The following XKR4 variants were observed in gnomAD, a reference collection of about 807,000 sequenced individuals.
XKR4 encodes XK-related protein 4.
A neutral mutation model predicts 53.9 loss-of-function variants in XKR4; 12 were observed. That is an observed-to-expected ratio of 0.22 (90% CI 0.14 to 0.36). XKR4 has a LOEUF of 0.36. XKR4 is among the 10% of genes least tolerant of loss of function. The probability of loss-of-function intolerance (pLI) is 1.00; values close to 1 mark genes in which losing one functional copy is unlikely to be tolerated. For synonymous variants in XKR4, 354 were observed against 362.4 expected, an observed-to-expected ratio of 0.98 and a Z score of 0.26; for missense variants, 799 against 859.5, an observed-to-expected ratio of 0.93 and a Z score of 0.88.
At chr8:55,131,924 A>C (rs943178093) in intron 1 of XKR4, among the ~76,000 whole-genome samples, 1 of 151,732 alleles carries the variant, frequency 6.6e-6, no homozygotes, top group Non-Finnish European at 1.5e-5. Context: ...TGGCCTGTGC[A>C]CAGTCTTAAT....
chr8:55,103,851 GTATATATATATATATATA>G (rs60831330), intron 1 of XKR4, among the ~76,000 whole-genome samples: 1,402 of 106,010 alleles, frequency 0.013, 38 homozygotes, highest in African/African-American at 0.043. Context: ...AAATGACTTT[GTATATATATATATATATA>G]TATATATATA....
intron 2 of XKR4, among the ~76,000 whole-genome samples, chr8:55,425,408 C>T (rs566949848): frequency 4.5e-4 from 67 of 148,730 alleles, no homozygotes; most frequent in South Asian, 1.9e-3. Flanking sequence ...AACGCACTCT[C>T]GTCTAGCCTC....
chr8:55,248,597 A>G (rs1818321203), intron 1 of XKR4, among the ~76,000 whole-genome samples: 1 of 152,092 alleles, frequency 6.6e-6, no homozygotes, highest in African/African-American at 2.4e-5. Context: ...AAGTACTCAT[A>G]TATTCACTCT....
intron 2 of XKR4, among the ~76,000 whole-genome samples, chr8:55,501,833 G>T (rs1156618874): frequency 6.6e-6 from 1 of 152,044 alleles, no homozygotes; most frequent in Non-Finnish European, 1.5e-5. Context: ...CAGTTCTTTT[G>T]GGTATACAGT....
At position 55,540,920 on chromosome 8, in the gene XKR4, G is replaced by C. The variant is rs777162253; in HGVS notation, c.*16693G>C. The C allele has an allele frequency of 6.6e-6, 1 of 152,134 alleles. No individual in the cohort carries two copies. Among genetic ancestry groups the C allele is most frequent in the African/African-American group, 2.4e-5 (1 of 41,440 alleles). 9.4% of individuals were successfully genotyped at this position (152,134 alleles called of 1,614,324 possible). ...GTCTGTACTAACATCCTACCAAGCA[G>C]ATTGGAAACAAATACTACTACCACT... On this transcript the variant is annotated 3_prime_UTR_variant, in exon 3 of 3. Coordinates refer to ENST00000327381, the MANE Select transcript of XKR4 (RefSeq NM_052898.2).
chr8:55,308,677 T>C (rs535493369), intron 1 of XKR4, among the ~76,000 whole-genome samples: 1 of 152,122 alleles, frequency 6.6e-6, no homozygotes, highest in East Asian at 1.9e-4. Flanking sequence ...AAAATGAAAA[T>C]TTGTGTTCAT....
intron 2 of XKR4, among the ~76,000 whole-genome samples, chr8:55,365,126 G>A (rs1442704068): frequency 1.3e-5 from 2 of 152,334 alleles, no homozygotes; most frequent in East Asian, 3.9e-4. Context: ...TAATCCAGTT[G>A]CATCACAGCC....
intron 1 of XKR4, among the ~76,000 whole-genome samples, chr8:55,326,722 C>T (rs1017820161): frequency 1.7e-4 from 26 of 151,990 alleles, no homozygotes; most frequent in African/African-American, 5.3e-4. Flanking sequence ...CTGCTCACCT[C>T]GGCCTCCCAA....
chr8:55,463,803 A>G (rs1223188513), intron 2 of XKR4, among the ~76,000 whole-genome samples: 17 of 152,072 alleles, frequency 1.1e-4, no homozygotes, highest in South Asian at 2.1e-4. Flanking sequence ...TATCACCACC[A>G]ATCCCACAGA....
chr8:55,391,854 T>C (rs2129388726), intron 2 of XKR4, among the ~76,000 whole-genome samples: 1 of 152,324 alleles, frequency 6.6e-6, no homozygotes, highest in Admixed American at 6.5e-5. Context: ...TATACTAACT[T>C]AGTGAGACAT....
At chr8:55,139,390 T>C (rs778142762) in intron 1 of XKR4, among the ~76,000 whole-genome samples, 4 of 151,716 alleles carry the variant, frequency 2.6e-5, no homozygotes, top group Non-Finnish European at 5.9e-5. Flanking sequence ...AAAAATTATC[T>C]GGATGCGGTG....
chr8:55,285,138 C>T (rs1818891900), intron 1 of XKR4, among the ~76,000 whole-genome samples: 1 of 152,200 alleles, frequency 6.6e-6, no homozygotes, highest in Admixed American at 6.5e-5. Context: ...TTACTACTTG[C>T]TATGTCTTTA....
chr8:55,482,438 C>G (rs1273638176), intron 2 of XKR4, among the ~76,000 whole-genome samples: 4 of 151,986 alleles, frequency 2.6e-5, no homozygotes, highest in African/African-American at 9.7e-5. Flanking sequence ...GGAGATATAC[C>G]TAATGCTAAA....
rs1021957197 is a variant in XKR4 at position 55,342,410 on chromosome 8, TG to T, written c.807-15266del. 2.8e-4 allele frequency among the ~76,000 whole-genome samples: 42 copies of T among 152,288 alleles called. No homozygotes were observed. In the South Asian group the frequency reaches 8.5e-3, roughly 31 times the overall value. The stretch of plus-strand genomic sequence containing the variant: ...TTCATGCCATTCTCAGCACAGCTGC[TG>T]GAAGTCCTCATGAGATGTTGGCCTC... On this transcript the variant is annotated intron_variant, in intron 1 of 2. Transcript: ENST00000327381.
intron 2 of XKR4, among the ~76,000 whole-genome samples, chr8:55,443,474 G>C (rs958352003): frequency 1.3e-4 from 17 of 132,214 alleles, no homozygotes; most frequent in Non-Finnish European, 2.7e-4. Flanking sequence ...AAGAGACATA[G>C]GGATTAGGAA....
At chr8:55,116,968 A>C (rs1190170860) in intron 1 of XKR4, among the ~76,000 whole-genome samples, 2 of 152,212 alleles carry the variant, frequency 1.3e-5, no homozygotes, top group African/African-American at 4.8e-5. Flanking sequence ...TCAAATACCC[A>C]AGGGATCTTA....
chr8:55,181,000 T>C (rs1392023531), intron 1 of XKR4, among the ~76,000 whole-genome samples: 1 of 152,212 alleles, frequency 6.6e-6, no homozygotes, highest in African/African-American at 2.4e-5. Context: ...TCAATGCAAA[T>C]TGATTGAGGA....
intron 1 of XKR4, among the ~76,000 whole-genome samples, chr8:55,244,337 G>A (rs11780565): frequency 0.35 from 52,811 of 152,050 alleles, 10,478 homozygotes; most frequent in Middle Eastern, 0.47. Context: ...CTGTTACTGC[G>A]TTAGTTCACT....
intron 2 of XKR4, among the ~76,000 whole-genome samples, chr8:55,465,492 G>T (rs558450760): frequency 0.011 from 1,616 of 151,838 alleles, 34 homozygotes; most frequent in African/African-American, 0.038. Flanking sequence ...AACTCAAGAT[G>T]GATTAAAGAC....
Sources: gnomAD v4.1 joint callset for allele counts (sites outside exome capture counted in the v4.1 genomes callset) on GRCh38, gnomAD v4.1.1 for gene constraint, MANE v1.5 for transcripts, NCBI Gene and HGNC (gene_info 2026-07-23, HGNC 2026-07-21) for gene names.